Variants in FBN2 observed in about 807,000 individuals in gnomAD.
FBN2 encodes the protein fibrillin-2.
In FBN2, 105 loss-of-function variants were observed where a neutral mutation model predicts 355.6. The ratio of observed to expected loss-of-function variants is 0.30; its 90% CI spans 0.25 to 0.35. The LOEUF is 0.35. Ranked by LOEUF, FBN2 falls within the 10% of genes least tolerant of loss-of-function variation. FBN2 has a pLI of 1.00. For missense variants in FBN2, 3,280 were observed against 3,758.7 expected (o/e 0.87, Z 3.33); for synonymous variants, 1,350 against 1,301.2 (o/e 1.04, Z -0.81).
chr5:128,354,002 C>T (rs1240276189), intron 20 of FBN2, among the ~76,000 whole-genome samples: 1 of 152,170 alleles, frequency 6.6e-6, no homozygotes, highest in African/African-American at 2.4e-5. Context: ...CCCTGTCTCC[C>T]CACTGACCCA....
chr5:128,445,820 G>A (rs1754050025), intron 7 of FBN2, among the ~76,000 whole-genome samples: 1 of 151,974 alleles, frequency 6.6e-6, no homozygotes, highest in Non-Finnish European at 1.5e-5. Context: ...AAATGATACA[G>A]GTTTTGATCA....
chr5:128,476,464 TAGA>T (rs1755007599), intron 5 of FBN2, among the ~76,000 whole-genome samples: 1 of 151,290 alleles, frequency 6.6e-6, no homozygotes, highest in African/African-American at 2.4e-5. Flanking sequence ...CAAAAGAAAG[TAGA>T]AGTAGTAATA....
At chr5:128,392,273 T>C in intron 10 of FBN2, 118 bp from the exon 11 acceptor site, 3 of 839,090 alleles carry the variant, frequency 3.6e-6, no homozygotes, top group Non-Finnish European at 5.5e-6. Context: ...AAGCTCATAT[T>C]TTATATTTTA....
intron 19 of FBN2, among the ~76,000 whole-genome samples, chr5:128,360,650 T>C (rs1009351269): frequency 1.3e-5 from 2 of 152,130 alleles, no homozygotes; most frequent in African/African-American, 4.8e-5. Flanking sequence ...TTGCATTTCA[T>C]TGACTTCAGC....
chr5:128,458,696 C>T (rs964456247), intron 6 of FBN2, among the ~76,000 whole-genome samples: 5 of 152,078 alleles, frequency 3.3e-5, no homozygotes, highest in Non-Finnish European at 7.4e-5. Context: ...TCCTGAATGA[C>T]TCCTGGGTAA....
At chr5:128,397,810 A>T (rs569835343) in intron 8 of FBN2, among the ~76,000 whole-genome samples, 9 of 152,272 alleles carry the variant, frequency 5.9e-5, no homozygotes, top group African/African-American at 1.7e-4. Context: ...GAGACTGTGA[A>T]TTTCAACTCT....
Position 128,258,487 on chromosome 5 carries a change from A to G in FBN2, c.*968T>C, listed in dbSNP as rs2126790599. The G allele has an allele frequency of 6.5e-6, 1 of 152,734 alleles. No individual in the cohort carries two copies. The highest frequency in any genetic ancestry group is 1.9e-4 in the East Asian group (1 of 5,182). 9.5% of individuals were successfully genotyped at this position (152,734 alleles called of 1,614,324 possible). A position where few individuals can be genotyped will look rare whatever the true frequency, so the allele number is the denominator to read the frequency against. ...ACTTGAACATAATAAATGCACCATT[A>G]TTTAAGACAGCACGAAACACCACAG... On this transcript the variant is annotated 3_prime_UTR_variant, in exon 65 of 65. Coordinates refer to ENST00000262464, the MANE Select transcript of FBN2 (RefSeq NM_001999.4).
intron 20 of FBN2, among the ~76,000 whole-genome samples, chr5:128,353,463 T>C (rs1169449840): frequency 6.6e-6 from 1 of 152,164 alleles, no homozygotes; most frequent in Admixed American, 6.5e-5. Flanking sequence ...GATAAAACTG[T>C]AGAGAAGCAT....
chr5:128,405,031 C>T (rs762391727), intron 8 of FBN2, among the ~76,000 whole-genome samples: 11 of 151,936 alleles, frequency 7.2e-5, no homozygotes, highest in African/African-American at 2.2e-4. Flanking sequence ...CATTAGCCAG[C>T]GTAGTGGTGG....
chr5:128,472,749 C>G (rs1754900528), intron 5 of FBN2, among the ~76,000 whole-genome samples: 1 of 151,494 alleles, frequency 6.6e-6, no homozygotes, highest in South Asian at 2.1e-4. Flanking sequence ...TGAGATCGCG[C>G]CATTGCACTC....
At chr5:128,381,601 T>G (rs1053407436) in intron 11 of FBN2, among the ~76,000 whole-genome samples, 1 of 152,266 alleles carries the variant, frequency 6.6e-6, no homozygotes. Flanking sequence ...AGTATAGGAT[T>G]AAAAATATTA....
intron 48 of FBN2, among the ~76,000 whole-genome samples, chr5:128,292,281 C>A (rs920720172): frequency 2.0e-5 from 3 of 152,152 alleles, no homozygotes; most frequent in Admixed American, 2.0e-4. Context: ...ACAGTGTTAT[C>A]ATTTCCCCCT....
intron 30 of FBN2, 151 bp from the exon 31 acceptor site, chr5:128,334,995 C>A (rs1205366273): frequency 1.7e-6 from 2 of 1,186,548 alleles, no homozygotes; most frequent in Non-Finnish European, 2.4e-6. Context: ...AAATATACAA[C>A]CTGCCTTTAG....
intron 36 of FBN2, among the ~76,000 whole-genome samples, chr5:128,313,862 A>AAC (rs1554120611): frequency 6.6e-6 from 1 of 151,240 alleles, no homozygotes; most frequent in Non-Finnish European, 1.5e-5. Flanking sequence ...CAAAAAAAAA[A>AAC]AAAAAAAAAA....
rs150975016 is a variant in FBN2 at position 128,336,684 on chromosome 5, G to A, written c.3599-571C>T. 1.7e-3 allele frequency among the ~76,000 whole-genome samples: 254 copies of A among 152,216 alleles called. 1 individual carries two copies. The highest frequency in any genetic ancestry group is 5.7e-3 in the African/African-American group (235 of 41,524). Reference sequence around the variant, plus strand: ...TACACTGTGTTATGTTTTGTGTGTCGGGATAGTAATCTACAAATCACACTG... The same window carrying A: ...TACACTGTGTTATGTTTTGTGTGTCAGGATAGTAATCTACAAATCACACTG... On this transcript the variant is annotated intron_variant, in intron 27 of 64. Transcript: ENST00000262464.
chr5:128,301,338 C>T (rs758414957), intron 47 of FBN2, 44 bp downstream of exon 47: 1 of 1,572,006 alleles, frequency 6.4e-7, no homozygotes, highest in Non-Finnish European at 8.8e-7. Flanking sequence ...CATCATTTTA[C>T]AAAACATAAC....
intron 40 of FBN2, 138 bp from the exon 41 acceptor site, chr5:128,309,537 A>C: frequency 1.5e-6 from 1 of 689,432 alleles, no homozygotes; most frequent in Non-Finnish European, 2.5e-6. Context: ...GCTATCTTAA[A>C]ATAACTCCTT....
rs149690067 is a variant in FBN2, at chr5:128,427,724, T to C, written c.952+18757A>G. 1.8e-4 allele frequency among the ~76,000 whole-genome samples: 27 copies of C among 152,330 alleles called. No homozygotes were observed. The East Asian group carries it at 5.2e-3, about 29-fold the overall frequency. ...CCATGTATTGACTTAGGACTTTGCCTGTAACTTCTGCTTTCCTGCCTTTAG... is the reference window on the plus strand; with the variant it reads ...CCATGTATTGACTTAGGACTTTGCCCGTAACTTCTGCTTTCCTGCCTTTAG... On this transcript the variant is annotated intron_variant, in intron 7 of 64. Transcript: ENST00000262464.
At chr5:128,458,848 A>G (rs1754479544) in intron 6 of FBN2, among the ~76,000 whole-genome samples, 1 of 152,214 alleles carries the variant, frequency 6.6e-6, no homozygotes, top group Non-Finnish European at 1.5e-5. Context: ...AGAAAGCTAT[A>G]AAGATCTCAA....
Sources: gnomAD v4.1 joint callset for allele counts (sites outside exome capture counted in the v4.1 genomes callset) on GRCh38, gnomAD v4.1.1 for gene constraint, MANE v1.5 for transcripts, NCBI Gene and HGNC (gene_info 2026-07-23, HGNC 2026-07-21) for gene names.